KCNQ3: variants seen among roughly 807,000 people sequenced by gnomAD.
KCNQ3 encodes potassium voltage-gated channel subfamily Q member 3, also known as potassium voltage-gated channel subfamily KQT member 3.
A neutral mutation model predicts 92.5 loss-of-function variants in KCNQ3; 30 were observed. That is an observed-to-expected ratio of 0.32 (90% CI 0.24 to 0.44). The LOEUF (loss-of-function observed/expected upper bound fraction) is 0.44. Ranked by LOEUF, KCNQ3 falls within the 20% of genes least tolerant of loss-of-function variation. KCNQ3 has a pLI of 1.00. For missense variants in KCNQ3, 913 were observed against 1,140.3 expected, an observed-to-expected ratio of 0.80 and a Z score of 2.87; for synonymous variants, 450 against 468.8, an observed-to-expected ratio of 0.96 and a Z score of 0.52.
intron 1 of KCNQ3, among the ~76,000 whole-genome samples, chr8:132,320,233 T>G (rs62520372): frequency 0.16 from 23,774 of 152,158 alleles, 2,244 homozygotes; most frequent in Non-Finnish European, 0.22. Context: ...GACTAGAATA[T>G]CAGGCTTATA....
At chr8:132,480,089 G>C in intron 1 of KCNQ3, 58 bp downstream of exon 1, 1 of 1,535,662 alleles carries the variant, frequency 6.5e-7, no homozygotes, top group Non-Finnish European at 8.9e-7. Flanking sequence ...CTCCAGCCCC[G>C]ACCCCAAGTC....
At chr8:132,417,284 C>A (rs1454977553) in intron 1 of KCNQ3, among the ~76,000 whole-genome samples, 1 of 152,128 alleles carries the variant, frequency 6.6e-6, no homozygotes, top group African/African-American at 2.4e-5. Context: ...GGGGAGAGAC[C>A]AGTTGTCAGA....
chr8:132,417,012 T>C (rs1820824859), intron 1 of KCNQ3, among the ~76,000 whole-genome samples: 1 of 152,150 alleles, frequency 6.6e-6, no homozygotes, highest in South Asian at 2.1e-4. Flanking sequence ...GGGAGAAACT[T>C]ATGTCCAAGT....
intron 1 of KCNQ3, among the ~76,000 whole-genome samples, chr8:132,403,045 G>A (rs1227318127): frequency 9.4e-6 from 1 of 105,888 alleles, no homozygotes; most frequent in African/African-American, 4.3e-5. Flanking sequence ...GTCAATATTG[G>A]TATGTCAATT....
chr8:132,467,260 C>A (rs915126172), intron 1 of KCNQ3, among the ~76,000 whole-genome samples: 2 of 152,076 alleles, frequency 1.3e-5, no homozygotes, highest in Admixed American at 6.5e-5. Context: ...TCTAGAGTGC[C>A]TAGCCCATGG....
rs76276113 is a variant in KCNQ3, at chr8:132,394,451, C to A, written c.386+85696G>T. Among the ~76,000 whole-genome samples the A allele has an allele frequency of 8.1e-4, 123 of 152,132 alleles. 1 individual carries two copies. The highest frequency in any genetic ancestry group is 2.9e-3 in the African/African-American group (121 of 41,496). On this transcript the variant is annotated intron_variant, in intron 1 of 14. Transcript: ENST00000388996. ...TGATAAGAGTGTGACCTCCCACCCC[C>A]CAAATTTTTTTTGAAAAACTAAATG... is the stretch of plus-strand genomic sequence containing the variant.
At chr8:132,172,003 A>G in intron 7 of KCNQ3, among the ~76,000 whole-genome samples, 1 of 151,912 alleles carries the variant, frequency 6.6e-6, no homozygotes, top group East Asian at 1.9e-4. Flanking sequence ...AAAAAAAAAA[A>G]ATTAAAAAAA....
At chr8:132,201,857 G>A (rs1054352940) in intron 1 of KCNQ3, among the ~76,000 whole-genome samples, 3 of 152,148 alleles carry the variant, frequency 2.0e-5, no homozygotes, top group African/African-American at 7.2e-5. Flanking sequence ...AGGTCTCTCT[G>A]TAACTCTGCA....
At chr8:132,470,507 T>C (rs1822274498) in intron 1 of KCNQ3, among the ~76,000 whole-genome samples, 1 of 152,222 alleles carries the variant, frequency 6.6e-6, no homozygotes, top group South Asian at 2.1e-4. Context: ...TGCCGAACCA[T>C]TTGAAAGTAA....
At chr8:132,444,135 T>C (rs1056209569) in intron 1 of KCNQ3, among the ~76,000 whole-genome samples, 1 of 152,142 alleles carries the variant, frequency 6.6e-6, no homozygotes, top group Non-Finnish European at 1.5e-5. Flanking sequence ...GAAAGGATGC[T>C]ACCACTCCAT....
intron 1 of KCNQ3, among the ~76,000 whole-genome samples, chr8:132,197,227 C>T (rs372599979): frequency 2.6e-5 from 4 of 152,178 alleles, no homozygotes; most frequent in South Asian, 2.1e-4. Context: ...ACCTGCTCTA[C>T]GCATGCCATA....
intron 1 of KCNQ3, among the ~76,000 whole-genome samples, chr8:132,198,401 T>C (rs1047477729): frequency 5.9e-5 from 9 of 152,240 alleles, no homozygotes; most frequent in African/African-American, 2.2e-4. Flanking sequence ...CAGTTTGTTA[T>C]GCAGGAATAG....
intron 1 of KCNQ3, among the ~76,000 whole-genome samples, chr8:132,330,422 AG>A (rs200922116): frequency 0.011 from 1,630 of 152,308 alleles, 36 homozygotes; most frequent in African/African-American, 0.037. Flanking sequence ...GAAAACCTCC[AG>A]GGGATCTATC....
At chr8:132,273,226 C>G (rs1409213946) in intron 1 of KCNQ3, among the ~76,000 whole-genome samples, 1 of 152,238 alleles carries the variant, frequency 6.6e-6, no homozygotes, top group Non-Finnish European at 1.5e-5. Flanking sequence ...CCAGGTATTT[C>G]CAAACATCCT....
intron 1 of KCNQ3, among the ~76,000 whole-genome samples, chr8:132,407,366 G>A (rs1241804595): frequency 6.6e-6 from 1 of 152,202 alleles, no homozygotes; most frequent in Non-Finnish European, 1.5e-5. Context: ...CCAAAACAAA[G>A]TGATTGATTT....
intron 1 of KCNQ3, among the ~76,000 whole-genome samples, chr8:132,319,928 C>T (rs1439864968): frequency 1.3e-5 from 2 of 152,194 alleles, no homozygotes; most frequent in African/African-American, 4.8e-5. Context: ...AGATGAACTC[C>T]CTCCCAATCC....
chr8:132,420,015 T>C (rs1820924381), intron 1 of KCNQ3, among the ~76,000 whole-genome samples: 1 of 152,172 alleles, frequency 6.6e-6, no homozygotes. Flanking sequence ...GAAATTTATT[T>C]CTCACAGTTC....
chr8:132,208,059 G>T (rs1813724562), intron 1 of KCNQ3, among the ~76,000 whole-genome samples: 1 of 152,016 alleles, frequency 6.6e-6, no homozygotes, highest in East Asian at 1.9e-4. Context: ...CCCTCCCTGG[G>T]CTCCATGTTC....
At chr8:132,447,317 G>T in intron 1 of KCNQ3, 1 of 1,405,436 alleles carries the variant, frequency 7.1e-7, no homozygotes, top group Non-Finnish European at 9.7e-7. Context: ...GCAGACAAGG[G>T]TCAAGATAAA....
Sources: allele counts gnomAD v4.1 joint callset (sites outside exome capture counted in the v4.1 genomes callset), GRCh38; gene constraint gnomAD v4.1.1; transcripts MANE v1.5; gene names NCBI Gene and HGNC (gene_info 2026-07-23, HGNC 2026-07-21).